Variants in GNL3L observed in about 807,000 individuals in gnomAD.
GNL3L encodes the protein G protein nucleolar 3 like.
A neutral mutation model predicts 42.9 loss-of-function variants in GNL3L; 4 were observed. That is an observed-to-expected ratio of 0.09 (90% CI 0.05 to 0.21). The LOEUF (loss-of-function observed/expected upper bound fraction) is 0.21. Ranked by LOEUF, GNL3L falls within the 10% of genes least tolerant of loss-of-function variation. The pLI is 1.00. For missense variants in GNL3L, 412 were observed against 481.7 expected (o/e 0.86, Z 1.36); for synonymous variants, 159 against 176.3 (o/e 0.90, Z 0.78).
downstream of GNL3L, among the ~76,000 whole-genome samples, chrX:54,624,146 CCT>C (rs1382350413): frequency 9.0e-6 from 1 of 111,511 alleles, no homozygotes; most frequent in African/African-American, 3.3e-5. Flanking sequence ...TTCTCAAACT[CCT>C]TGGCTCAAGC....
chrX:54,570,404 C>G (rs1925527447), downstream of GNL3L, among the ~76,000 whole-genome samples: 2 of 111,653 alleles, frequency 1.8e-5, no homozygotes, highest in Non-Finnish European at 3.8e-5. Flanking sequence ...ATATCTTTTT[C>G]ATCCTTTTAC....
intron 16 of GNL3L, among the ~76,000 whole-genome samples, chrX:54,597,173 A>C (rs2147524259): frequency 9.0e-6 from 1 of 111,727 alleles, no homozygotes; most frequent in Admixed American, 9.5e-5. Context: ...AGCAAGTCTC[A>C]GAGTCTCACC....
the GNL3L span, among the ~76,000 whole-genome samples, chrX:54,634,840 AGTGCAGT>A: frequency 2.5e-5 from 2 of 78,623 alleles, no homozygotes; most frequent in African/African-American, 1.1e-4. Flanking sequence ...CGCAGGCTGG[AGTGCAGT>A]GGCATGATCT....
intron 16 of GNL3L, among the ~76,000 whole-genome samples, chrX:54,607,769 A>G (rs1424732754): frequency 1.8e-5 from 2 of 112,281 alleles, no homozygotes; most frequent in African/African-American, 6.5e-5. Context: ...ACAGCTCTAG[A>G]GGATCTCACA....
At chrX:54,551,105 C>A (rs2147487328) in intron 10 of GNL3L, 55 bp downstream of exon 10, 1 of 656,219 alleles carries the variant, frequency 1.5e-6, no homozygotes, top group East Asian at 3.2e-5. Context: ...CCATTTCCCC[C>A]CAACTCCCAT....
At chrX:54,557,009 C>T (rs1925114214) in intron 14 of GNL3L, among the ~76,000 whole-genome samples, 1 of 109,606 alleles carries the variant, frequency 9.1e-6, no homozygotes, top group Non-Finnish European at 1.9e-5. Context: ...GGTGAAACCC[C>T]GTCTCTACTA....
chrX:54,541,125 C>G (rs1265278917), intron 4 of GNL3L, 148 bp from the exon 5 acceptor site: 1 of 442,276 alleles, frequency 2.3e-6, no homozygotes, highest in Non-Finnish European at 4.0e-6. Flanking sequence ...TTCTCAAACC[C>G]TCATCTCCTG....
chrX:54,550,346 T>C (rs968408896), intron 9 of GNL3L, among the ~76,000 whole-genome samples: 3 of 110,063 alleles, frequency 2.7e-5, no homozygotes. Context: ...TACTTAGACA[T>C]ATACCTTTTT....
At chrX:54,554,464 C>A in intron 13 of GNL3L, 101 bp from the exon 14 acceptor site, 1 of 841,044 alleles carries the variant, frequency 1.2e-6, no homozygotes, top group South Asian at 2.5e-5. Flanking sequence ...GCACCTGACT[C>A]CCCTGGGAAG....
At chrX:54,630,714 T>TTCTTTCTC in the GNL3L span, among the ~76,000 whole-genome samples, 6 of 70,636 alleles carry the variant, frequency 8.5e-5, no homozygotes, top group South Asian at 7.9e-4. Flanking sequence ...TTCTTTTTCT[T>TTCTTTCTC]TCTTTCTTTC....
chrX:54,579,781 G>A (rs1197909185), intron 16 of GNL3L, among the ~76,000 whole-genome samples: 2 of 110,751 alleles, frequency 1.8e-5, no homozygotes, highest in East Asian at 2.9e-4. Flanking sequence ...GGGTTCAGTC[G>A]ATTCTCCTGC....
At chrX:54,555,595 G>A (rs761515905) in intron 14 of GNL3L, among the ~76,000 whole-genome samples, 25 of 106,385 alleles carry the variant, frequency 2.3e-4, no homozygotes, top group Admixed American at 1.4e-3. Context: ...CTCAGCCTCC[G>A]GAGCAGCTGG....
intron 16 of GNL3L, among the ~76,000 whole-genome samples, chrX:54,579,988 T>TTG (rs1925687135): frequency 1.2e-5 from 1 of 84,665 alleles, no homozygotes; most frequent in African/African-American, 4.4e-5. Context: ...TAAAGTTTGT[T>TTG]TTTTTTTTTT....
Position 54,577,749 on chromosome X carries a change from C to CT in GNL3L, c.*45+17112dup, listed in dbSNP as rs1174555202. 5.3e-3 allele frequency among the ~76,000 whole-genome samples: 557 copies of CT among 105,597 alleles called. 2 individuals carry two copies. The highest frequency in any genetic ancestry group is 0.016 in the African/African-American group (471 of 29,156). The allele number at this position is 105,597 out of a possible 115,157, so 91.7% of individuals were successfully genotyped here. A position where few individuals can be genotyped will look rare whatever the true frequency, so the allele number is the denominator to read the frequency against. On this transcript the variant is annotated intron_variant, in intron 16 of 16. Transcript: ENST00000674498. ...TGTTGTCACAGATGGCAGAATTTCC[C>CT]TTTTTTTTTTGGCAGGGTCTCACTC...
Position 54,562,522 on chromosome X carries a change from G to A in GNL3L, c.*1920G>A, listed in dbSNP as rs995982034. Among the ~76,000 whole-genome samples, 1 of 111,232 alleles carries A rather than the reference G, an allele frequency of 9.0e-6. No homozygotes were observed. Among genetic ancestry groups the A allele is most frequent in the African/African-American group, 3.3e-5 (1 of 30,540 alleles). On this transcript the variant is annotated 3_prime_UTR_variant, in exon 16 of 16. Coordinates refer to ENST00000360845, the MANE Select transcript of GNL3L (RefSeq NM_001184819.2). The stretch of plus-strand genomic sequence containing the variant: ...AGGGGCAACCAAAGGAGAGAATTAC[G>A]TACTTGTTGAGTACAAACTGCACCA...
chrX:54,635,733 C>T, the GNL3L span, among the ~76,000 whole-genome samples: 2 of 100,915 alleles, frequency 2.0e-5, no homozygotes, highest in African/African-American at 7.4e-5. Flanking sequence ...ATGTCAGGAA[C>T]TAAAAAAAAA....
chrX:54,626,911 T>A, the GNL3L span, among the ~76,000 whole-genome samples: 2 of 111,827 alleles, frequency 1.8e-5, no homozygotes, highest in Non-Finnish European at 3.8e-5. Flanking sequence ...TATTCTGAAT[T>A]TTCATCCCTT....
At chrX:54,591,975 T>A (rs1271569118) in intron 16 of GNL3L, among the ~76,000 whole-genome samples, 1 of 112,140 alleles carries the variant, frequency 8.9e-6, no homozygotes, top group Admixed American at 9.5e-5. Flanking sequence ...ATTTTTGGTG[T>A]CCTCTTCAAT....
At chrX:54,558,087 T>G (rs1295862366) in intron 14 of GNL3L, among the ~76,000 whole-genome samples, 1 of 110,718 alleles carries the variant, frequency 9.0e-6, no homozygotes, top group Non-Finnish European at 1.9e-5. Context: ...TTTCATCGTG[T>G]TGGCCAGGAT....
Sources: allele counts gnomAD v4.1 joint callset (sites outside exome capture counted in the v4.1 genomes callset), GRCh38; gene constraint gnomAD v4.1.1; transcripts MANE v1.5; gene names NCBI Gene and HGNC (gene_info 2026-07-23, HGNC 2026-07-21).